Variants in OCLN observed in about 807,000 individuals in gnomAD.
OCLN encodes phosphatase 1, regulatory subunit 115.
OCLN carries 21 observed loss-of-function variants against 47.9 expected under a neutral mutation model. The observed-to-expected ratio is 0.44, with a 90% confidence interval of 0.31 to 0.63. The LOEUF is 0.63. OCLN is among the 30% of genes least tolerant of loss of function. OCLN has a pLI of 0.08. For missense variants in OCLN, 360 were observed against 571.0 expected, an observed-to-expected ratio of 0.63 and a Z score of 3.77; for synonymous variants, 117 against 198.4, an observed-to-expected ratio of 0.59 and a Z score of 3.45.
chr5:69,509,314 T>C lies in OCLN; in HGVS notation c.224T>C (p.Met75Thr). 1 of 1,614,238 alleles carries C rather than the reference T, an allele frequency of 6.2e-7. No homozygotes were observed. Among genetic ancestry groups the C allele is most frequent in the South Asian group, 1.1e-5 (1 of 91,088 alleles). Residue 75 changes from methionine to threonine, a missense_variant, in exon 3 of 9, where the codon ATG (methionine) becomes ACG (threonine). This residue lies in a region of OCLN where 314 missense variants were observed against 368.1 expected (regional missense o/e 0.85). Coordinates refer to ENST00000396442, the MANE Select transcript of OCLN (RefSeq NM_001205254.2). ...ATCCTGTCTATGCTCATTATTGTGATGTGCATTGCCATCTTTGCCTGTGTG... is the reference window on the plus strand; with the variant it reads ...ATCCTGTCTATGCTCATTATTGTGACGTGCATTGCCATCTTTGCCTGTGTG... ...IRILSMLIIV[M>T]CIAIFACVAS...
At chr5:69,520,940 T>A (rs1369309078) in intron 4 of OCLN, among the ~76,000 whole-genome samples, 2 of 152,162 alleles carry the variant, frequency 1.3e-5, no homozygotes, top group Non-Finnish European at 2.9e-5. Flanking sequence ...CTCCACTTCC[T>A]GGATTCAAGT....
intron 2 of OCLN, among the ~76,000 whole-genome samples, chr5:69,505,496 C>G (rs1279353225): frequency 6.6e-6 from 1 of 152,158 alleles, no homozygotes; most frequent in Non-Finnish European, 1.5e-5. Flanking sequence ...ATAGATTTGT[C>G]TATTCTGCAT....
At chr5:69,507,190 A>G (rs1198233686) in intron 2 of OCLN, among the ~76,000 whole-genome samples, 1 of 152,206 alleles carries the variant, frequency 6.6e-6, no homozygotes, top group East Asian at 1.9e-4. Context: ...GCTGGAGTGC[A>G]GTGGCACAAT....
chr5:69,519,562 A>T (rs1302370038), intron 4 of OCLN, among the ~76,000 whole-genome samples: 6 of 152,126 alleles, frequency 3.9e-5, no homozygotes, highest in Non-Finnish European at 7.4e-5. Context: ...AGTCACTCAG[A>T]TGGATACCAG....
chr5:69,500,837 A>G (rs1768436659), intron 1 of OCLN, among the ~76,000 whole-genome samples: 2 of 152,200 alleles, frequency 1.3e-5, no homozygotes, highest in South Asian at 4.1e-4. Flanking sequence ...CAAAACTACC[A>G]CTGAACCTAG....
intron 4 of OCLN, among the ~76,000 whole-genome samples, chr5:69,522,362 A>G (rs1769162702): frequency 6.6e-6 from 1 of 152,076 alleles, no homozygotes; most frequent in Non-Finnish European, 1.5e-5. Context: ...GATTGGTGTA[A>G]TGTTCCTCTC....
intron 3 of OCLN, among the ~76,000 whole-genome samples, chr5:69,513,509 T>C (rs1488899949): frequency 1.3e-5 from 2 of 152,220 alleles, no homozygotes; most frequent in Non-Finnish European, 2.9e-5. Context: ...ACAAGCATGA[T>C]TGGCTATTTC....
intron 4 of OCLN, among the ~76,000 whole-genome samples, chr5:69,522,894 C>CTTTTTTTTTTTTTTTT (rs60505522): frequency 1.7e-5 from 2 of 116,888 alleles, no homozygotes; most frequent in African/African-American, 3.4e-5. Flanking sequence ...GCCTGGCTGA[C>CTTTTTTTTTTTTTTTT]TTTTTTTTTT....
At chr5:69,550,546 T>A (rs1769839998) in intron 7 of OCLN, among the ~76,000 whole-genome samples, 1 of 146,362 alleles carries the variant, frequency 6.8e-6, no homozygotes, top group South Asian at 2.2e-4. Context: ...AGTCAGAGGG[T>A]ACGTACCTTT....
chr5:69,515,027 A>G (rs1349924135), intron 4 of OCLN, among the ~76,000 whole-genome samples: 1 of 151,788 alleles, frequency 6.6e-6, no homozygotes, highest in Admixed American at 6.6e-5. Context: ...CCCTTTCTCA[A>G]TGAGCTGTTG....
At chr5:69,506,623 C>G (rs770296681) in intron 2 of OCLN, among the ~76,000 whole-genome samples, 1 of 152,140 alleles carries the variant, frequency 6.6e-6, no homozygotes, top group Non-Finnish European at 1.5e-5. Flanking sequence ...TGCCAGGAAC[C>G]TATCATCTCA....
chr5:69,506,639 A>G (rs778578576), intron 2 of OCLN, among the ~76,000 whole-genome samples: 1 of 152,160 alleles, frequency 6.6e-6, no homozygotes, highest in Non-Finnish European at 1.5e-5. Context: ...TCTCATTAGC[A>G]TATAAGGGAT....
chr5:69,499,885 C>CT (rs1455356180), intron 1 of OCLN, among the ~76,000 whole-genome samples: 2 of 152,260 alleles, frequency 1.3e-5, no homozygotes, highest in South Asian at 2.1e-4. Context: ...GCGCCCAGCT[C>CT]TTTAAGACTT....
At chr5:69,516,207 A>G (rs1768962188) in intron 4 of OCLN, among the ~76,000 whole-genome samples, 2 of 152,298 alleles carry the variant, frequency 1.3e-5, no homozygotes, top group East Asian at 1.9e-4. Flanking sequence ...CCTGGGCACC[A>G]TTGAGCACTG....
intron 4 of OCLN, among the ~76,000 whole-genome samples, chr5:69,519,466 C>T (rs1769071814): frequency 1.3e-5 from 2 of 152,032 alleles, no homozygotes. Context: ...GCTTTTTTTC[C>T]CCCTTCCTTT....
intron 4 of OCLN, among the ~76,000 whole-genome samples, chr5:69,521,501 G>T (rs1171533161): frequency 1.3e-5 from 2 of 152,206 alleles, no homozygotes; most frequent in African/African-American, 4.8e-5. Flanking sequence ...GCTGGGCATG[G>T]TAGCTCGACT....
At chr5:69,498,553 T>A (rs1321799994) in intron 1 of OCLN, among the ~76,000 whole-genome samples, 1 of 152,132 alleles carries the variant, frequency 6.6e-6, no homozygotes, top group Admixed American at 6.5e-5. Flanking sequence ...ACCAATATAG[T>A]CACCCTTCAG....
chr5:69,554,588 T>C lies in OCLN; in HGVS notation c.*917T>C, dbSNP rs1261682373. 2 of 152,064 alleles carry C rather than the reference T, an allele frequency of 1.3e-5. No homozygotes were observed. Among genetic ancestry groups the C allele is most frequent in the Non-Finnish European group, 2.9e-5 (2 of 68,034 alleles). The allele number at this position is 152,064 out of a possible 1,614,324, so 9.4% of individuals were successfully genotyped here. On this transcript the variant is annotated 3_prime_UTR_variant, in exon 9 of 9. Coordinates refer to ENST00000396442, the MANE Select transcript of OCLN (RefSeq NM_001205254.2). ...TTCCATAATAACCTGTTTGATGTTA[T>C]TAGTGCTGTTAACATACAGCAATGG...
intron 4 of OCLN, among the ~76,000 whole-genome samples, chr5:69,525,093 A>C (rs1413992428): frequency 6.7e-6 from 1 of 150,276 alleles, no homozygotes; most frequent in African/African-American, 2.4e-5. Context: ...GTGAGTGTAC[A>C]TTTCTTTCTT....
Sources: allele counts gnomAD v4.1 joint callset (sites outside exome capture counted in the v4.1 genomes callset), GRCh38; gene constraint gnomAD v4.1.1; regional missense constraint gnomAD v4.1.1; transcripts MANE v1.5; gene names NCBI Gene and HGNC (gene_info 2026-07-23, HGNC 2026-07-21).